MYLK2: variants seen among roughly 807,000 people sequenced by gnomAD.
MYLK2 encodes myosin light chain kinase 2.
A neutral mutation model predicts 58.2 loss-of-function variants in MYLK2; 27 were observed. The observed-to-expected ratio is 0.46, with a 90% CI of 0.34 to 0.64. The LOEUF (loss-of-function observed/expected upper bound fraction) is 0.64, where lower values mean the gene tolerates loss of function less well. MYLK2 is among the 30% of genes least tolerant of loss of function. The pLI is 0.01. For synonymous variants in MYLK2, 310 were observed against 296.7 expected (o/e 1.04, Z -0.46); for missense variants, 676 against 764.3 (o/e 0.88, Z 1.36).
At chr20:31,822,888 C>T (rs937136041) in intron 4 of MYLK2, among the ~76,000 whole-genome samples, 2 of 152,208 alleles carry the variant, frequency 1.3e-5, no homozygotes, top group African/African-American at 2.4e-5. Context: ...GCTTCCCTGC[C>T]GCCTCTTGCT....
intron 5 of MYLK2, 127 bp from the exon 6 acceptor site, chr20:31,824,132 T>C: frequency 6.5e-7 from 1 of 1,530,328 alleles, no homozygotes; most frequent in Non-Finnish European, 8.8e-7. Context: ...GGGTGAGTGC[T>C]CCCATCTCAC....
In MYLK2 at chr20:31,824,256, C is replaced by T; in HGVS notation, c.879-3C>T. 6.2e-7 allele frequency: 1 copy of T among 1,613,122 alleles called. No homozygotes were observed. Among genetic ancestry groups the T allele is most frequent in the Non-Finnish European group, 8.5e-7 (1 of 1,179,588 alleles). On this transcript the variant is annotated splice_region_variant and splice_polypyrimidine_tract_variant and intron_variant, in intron 5 of 12. Transcript: ENST00000375985. ...CCTCACTTACAGCCTCTTCTCTTTCCAGTGGCAAGTTTGGGGCAGTCTGTA... is the reference window on the plus strand; with the variant it reads ...CCTCACTTACAGCCTCTTCTCTTTCTAGTGGCAAGTTTGGGGCAGTCTGTA...
chr20:31,825,733 C>A (rs1478456760), intron 6 of MYLK2, among the ~76,000 whole-genome samples: 2 of 152,050 alleles, frequency 1.3e-5, no homozygotes, highest in African/African-American at 4.8e-5. Flanking sequence ...GGGGAGCCAT[C>A]CTGGCAGTGA....
chr20:31,831,671 C>A, intron 10 of MYLK2, 32 bp from the exon 11 acceptor site: 2 of 1,613,042 alleles, frequency 1.2e-6, no homozygotes, highest in Middle Eastern at 1.7e-4. Flanking sequence ...TCCAATCTCA[C>A]CTCCCTGCCC....
Position 31,821,745 on chromosome 20 carries a change from A to G in MYLK2, c.772+8A>G, listed in dbSNP as rs1401073137. 3 of 1,482,306 alleles carry G rather than the reference A, an allele frequency of 2.0e-6. No individual in the cohort carries two copies. The highest frequency in any genetic ancestry group is 2.7e-6 in the Non-Finnish European group (3 of 1,096,072). 91.8% of individuals were successfully genotyped at this position (1,482,306 alleles called of 1,614,324 possible). ...ACTGCTTCCAGATTTTGGGTAGGCC[A>G]GGGGCAGGTGGGGGCTGGGGCTGCC... On this transcript the variant is annotated splice_region_variant and intron_variant, in intron 4 of 12. Coordinates refer to ENST00000375985, the MANE Select transcript of MYLK2 (RefSeq NM_033118.4).
At chr20:31,821,848 C>T in intron 4 of MYLK2, 111 bp downstream of exon 4, 1 of 1,010,038 alleles carries the variant, frequency 9.9e-7, no homozygotes, top group Non-Finnish European at 1.4e-6. Flanking sequence ...TGAGCCAAGC[C>T]TTACCCAGGC....
intron 6 of MYLK2, 108 bp from the exon 7 acceptor site, chr20:31,826,497 C>A: frequency 1.4e-6 from 2 of 1,462,692 alleles, no homozygotes; most frequent in Non-Finnish European, 1.9e-6. Context: ...GGAGGCTGAG[C>A]AGTGATCTGG....
At chr20:31,826,998 T>G in intron 8 of MYLK2, 60 bp downstream of exon 8, 1 of 1,609,922 alleles carries the variant, frequency 6.2e-7, no homozygotes, top group Non-Finnish European at 8.5e-7. Context: ...CTGAGATCAG[T>G]GCTGTCACCA....
chr20:31,821,178 A>G (rs527593563), intron 3 of MYLK2, among the ~76,000 whole-genome samples: 30 of 152,248 alleles, frequency 2.0e-4, no homozygotes, highest in Admixed American at 1.0e-3. Context: ...CAAGAGCTAC[A>G]TAACTCCCTA....
chr20:31,834,057 A>G lies in MYLK2; in HGVS notation c.*260A>G. On this transcript the variant is annotated 3_prime_UTR_variant, in exon 13 of 13. Coordinates refer to ENST00000375985, the MANE Select transcript of MYLK2 (RefSeq NM_033118.4). ...CTCCAGCCTGTCGGCCACACCCCAG[A>G]CTCCAGGCCCCCGTTGAAGCCGCTC... 1.9e-6 allele frequency: 1 copy of G among 523,424 alleles called. No homozygotes were observed. Among genetic ancestry groups the G allele is most frequent in the East Asian group, 3.3e-5 (1 of 30,442 alleles). 32.4% of individuals were successfully genotyped at this position (523,424 alleles called of 1,614,324 possible).
intron 5 of MYLK2, chr20:31,823,882 T>C (rs544834965): frequency 3.3e-4 from 308 of 939,516 alleles, no homozygotes; most frequent in Non-Finnish European, 3.8e-4. Flanking sequence ...TGGTGATTCC[T>C]GCTTTGTAAA....
At chr20:31,825,017 G>T (rs1465988958) in intron 6 of MYLK2, among the ~76,000 whole-genome samples, 1 of 152,190 alleles carries the variant, frequency 6.6e-6, no homozygotes, top group South Asian at 2.1e-4. Flanking sequence ...CGTTCCAGTG[G>T]AGAAGGCAGG....
chr20:31,826,349 G>A (rs991854224), intron 6 of MYLK2, among the ~76,000 whole-genome samples: 1 of 152,066 alleles, frequency 6.6e-6, no homozygotes, highest in Non-Finnish European at 1.5e-5. Flanking sequence ...AGAGGGAAGC[G>A]GTGAGGGGGG....
At position 31,821,805 on chromosome 20, in the gene MYLK2, C is replaced by G. The variant is rs1335477563; in HGVS notation, c.772+68C>G. On this transcript the variant is annotated intron_variant, in intron 4 of 12. Transcript: ENST00000375985. ...GGGGGAGGGAAGGGGGCTGTCAGTC[C>G]CAAGTCTACCTATTCGGAGGTCTGA... The G allele has an allele frequency of 6.1e-6, 9 of 1,482,228 alleles. No homozygotes were observed. The East Asian group carries it at 2.1e-4, about 34-fold the overall frequency. 91.8% of individuals were successfully genotyped at this position (1,482,228 alleles called of 1,614,324 possible). A position where few individuals can be genotyped will look rare whatever the true frequency, so the allele number is the denominator to read the frequency against.
chr20:31,831,576 G>T, intron 10 of MYLK2, 127 bp from the exon 11 acceptor site: 1 of 1,099,200 alleles, frequency 9.1e-7, no homozygotes, highest in Non-Finnish European at 1.3e-6. Context: ...TCTGTCCCAC[G>T]AGAGGCTGGG....
intron 8 of MYLK2, among the ~76,000 whole-genome samples, chr20:31,829,715 GT>G (rs1259762807): frequency 1.3e-5 from 2 of 152,234 alleles, no homozygotes; most frequent in Non-Finnish European, 2.9e-5. Context: ...GGCTTCCGGT[GT>G]TTCAGGAGCT....
rs768264478 is a variant in MYLK2 at position 31,831,758 on chromosome 20, G to C, written c.1480G>C (p.Val494Leu). The C allele has an allele frequency of 1.2e-6, 2 of 1,613,998 alleles. No individual in the cohort carries two copies. The highest frequency in any genetic ancestry group is 1.7e-6 in the Non-Finnish European group (2 of 1,180,006). Reference protein sequence around the residue: ...GDDDTETLNNVLSGNWYFDEE... With the variant: ...GDDDTETLNNLLSGNWYFDEE... ...TGATGACACAGAGACCCTAAACAACGTTCTATCTGGCAACTGGTACTTTGA... is the reference window on the plus strand; with the variant it reads ...TGATGACACAGAGACCCTAAACAACCTTCTATCTGGCAACTGGTACTTTGA... The change falls in exon 11 of 13, where the codon GTT becomes CTT. Residue 494 changes from valine (V) to leucine (L), a missense_variant. Coordinates refer to ENST00000375985, the MANE Select transcript of MYLK2 (RefSeq NM_033118.4).
chr20:31,833,548 A>T (rs1300192758), intron 12 of MYLK2, among the ~76,000 whole-genome samples, 169 bp from the exon 13 acceptor site: 1 of 151,288 alleles, frequency 6.6e-6, no homozygotes, highest in Non-Finnish European at 1.5e-5. Flanking sequence ...GAGTGAGGGG[A>T]CTCCTGGACA....
chr20:31,832,219 G>A, intron 12 of MYLK2, 83 bp downstream of exon 12: 1 of 1,544,298 alleles, frequency 6.5e-7, no homozygotes, highest in Non-Finnish European at 8.7e-7. Context: ...CACCGTCCCT[G>A]CCTTGGCAGG....
Sources: gnomAD v4.1 joint callset for allele counts (sites outside exome capture counted in the v4.1 genomes callset) on GRCh38, gnomAD v4.1.1 for gene constraint, MANE v1.5 for transcripts, NCBI Gene and HGNC (gene_info 2026-07-23, HGNC 2026-07-21) for gene names.